SLC26A6: variants seen among roughly 807,000 people sequenced by gnomAD.
SLC26A6 encodes the protein solute carrier family 26 member 6.
SLC26A6 carries 67 observed loss-of-function variants against 87.1 expected under a neutral mutation model. That is an observed-to-expected ratio of 0.77 (90% CI 0.63 to 0.94). The LOEUF (loss-of-function observed/expected upper bound fraction) is 0.94, where lower values mean the gene tolerates loss of function less well. Among genes scored for constraint, SLC26A6 ranks in the 40% least tolerant of loss-of-function variants. The pLI is 0.00. For missense variants in SLC26A6, 902 were observed against 973.0 expected (o/e 0.93, Z 0.97); for synonymous variants, 414 against 405.9 (o/e 1.02, Z -0.24).
intron 17 of SLC26A6, chr3:48,627,409 C>T (rs150923431): frequency 5.6e-5 from 15 of 265,610 alleles, no homozygotes; most frequent in Non-Finnish European, 7.1e-5. Flanking sequence ...CGCATGCAGA[C>T]ACCTCGGCAC....
chr3:48,630,247 C>A, intron 11 of SLC26A6, 90 bp from the exon 12 acceptor site: 1 of 1,472,658 alleles, frequency 6.8e-7, no homozygotes, highest in Non-Finnish European at 9.4e-7. Flanking sequence ...TAAGCCCAAG[C>A]ACTCAGGCAG....
chr3:48,634,790 G>T, intron 1 of SLC26A6: 1 of 979,734 alleles, frequency 1.0e-6, no homozygotes, highest in Non-Finnish European at 1.2e-6. Flanking sequence ...GTGCAAGGAA[G>T]ATCCTCAGAG....
At position 48,632,063 on chromosome 3, in the gene SLC26A6, C is replaced by G; in HGVS notation, c.586-19G>C. The G allele has an allele frequency of 6.2e-7, 1 of 1,612,236 alleles. No individual in the cohort carries two copies. Among genetic ancestry groups the G allele is most frequent in the East Asian group, 2.2e-5 (1 of 44,852 alleles). On this transcript the variant is annotated intron_variant, in intron 5 of 20. Transcript: ENST00000395550. ...GCCCCACCTGTGGGGCGGCCAGGGG[C>G]AGTCAGGAGAGGCAGGGGTCCTGGG...
At chr3:48,630,782 G>C (rs1057184301) in intron 9 of SLC26A6, 62 bp from the exon 10 acceptor site, 1 of 1,537,220 alleles carries the variant, frequency 6.5e-7, no homozygotes, top group Admixed American at 1.9e-5. Context: ...CTGTTCCACT[G>C]TATCTAGGCC....
In SLC26A6 at chr3:48,629,724, G is replaced by A. The variant is rs781403201; in HGVS notation, c.1530-13C>T. 1.9e-6 allele frequency: 3 copies of A among 1,612,914 alleles called. No individual in the cohort carries two copies. The highest frequency in any genetic ancestry group is 2.5e-6 in the Non-Finnish European group (3 of 1,179,296). On this transcript the variant is annotated splice_polypyrimidine_tract_variant and intron_variant, in intron 13 of 20. Coordinates refer to ENST00000395550, the MANE Select transcript of SLC26A6 (RefSeq NM_022911.3). ...AGAGTAGTGGGGCCTGTGAAGGAGAGAGAGAATGCACGAAGAGGGGGCAGA... is the reference window on the plus strand; with the variant it reads ...AGAGTAGTGGGGCCTGTGAAGGAGAAAGAGAATGCACGAAGAGGGGGCAGA...
chr3:48,634,658 C>T, intron 1 of SLC26A6: 2 of 904,478 alleles, frequency 2.2e-6, no homozygotes, highest in Non-Finnish European at 2.6e-6. Context: ...AAGCTTTCAC[C>T]AGTCAGGAAA....
Position 48,631,203 on chromosome 3 carries a change from CTGA to C in SLC26A6, c.986+18_986+20del, listed in dbSNP as rs770838896. ...TCCTGGCTGCCCAACCCTCCCTGACCTGATGGAGGCCAGAGCTCACCCTGCAGG... is the reference window on the plus strand; with the variant it reads ...TCCTGGCTGCCCAACCCTCCCTGACCTGGAGGCCAGAGCTCACCCTGCAGG... On this transcript the variant is annotated intron_variant, in intron 8 of 20. Coordinates refer to ENST00000395550, the MANE Select transcript of SLC26A6 (RefSeq NM_022911.3). 6.2e-7 allele frequency: 1 copy of C among 1,611,832 alleles called. No individual in the cohort carries two copies. Among genetic ancestry groups the C allele is most frequent in the Non-Finnish European group, 8.5e-7 (1 of 1,178,602 alleles).
At position 48,630,446 on chromosome 3, in the gene SLC26A6, G is replaced by T; in HGVS notation, c.1318C>A (p.Leu440Met). 6.4e-7 allele frequency: 1 copy of T among 1,556,592 alleles called. No individual in the cohort carries two copies. The highest frequency in any genetic ancestry group is 2.4e-5 in the East Asian group (1 of 41,236). ...IVKLGELFHDLPKAVLAAIII... is the reference protein window; with the variant it reads ...IVKLGELFHDMPKAVLAAIII... ...GCTGGGTGGGGGCTCACCTTGGGCAGGTCATGGAAGAGTTCCCCAAGTTTG... is the reference window on the plus strand; with the variant it reads ...GCTGGGTGGGGGCTCACCTTGGGCATGTCATGGAAGAGTTCCCCAAGTTTG... Residue 440 changes from leucine (L) to methionine (M), a missense_variant, in exon 11 of 21, where the codon CTG becomes ATG. Coordinates refer to ENST00000395550, the MANE Select transcript of SLC26A6 (RefSeq NM_022911.3).
At chr3:48,626,507 C>T (rs2106640942) in intron 19 of SLC26A6, 124 bp downstream of exon 19, 1 of 1,545,124 alleles carries the variant, frequency 6.5e-7, no homozygotes, top group East Asian at 2.2e-5. Flanking sequence ...ACTCCTGTCT[C>T]CCAGGACACC....
Position 48,632,268 on chromosome 3 carries a change from T to TG in SLC26A6, c.561dup (p.Ser188GlnfsTer98). The TG allele has an allele frequency of 6.2e-7, 1 of 1,609,500 alleles. No individual in the cohort carries two copies. The highest frequency in any genetic ancestry group is 8.5e-7 in the Non-Finnish European group (1 of 1,177,836). ...ACCTGGAAGAGGCCAACCAGGACACTGAGTGTGGAGGCCACCTGTACCCGG... is the reference window on the plus strand; with the variant it reads ...ACCTGGAAGAGGCCAACCAGGACACTGGAGTGTGGAGGCCACCTGTACCCGG... On this transcript the variant is annotated frameshift_variant, in exon 5 of 21. Transcript: ENST00000395550. LOFTEE classifies it high-confidence loss of function.
chr3:48,628,813 C>T lies in SLC26A6; in HGVS notation c.1600-99G>A. ...TCCCTAGTGTGCCCAGTGCCTGCCACCGCCCAGCCCTCTGCTCCCCAGGCT... is the reference window on the plus strand; with the variant it reads ...TCCCTAGTGTGCCCAGTGCCTGCCATCGCCCAGCCCTCTGCTCCCCAGGCT... On this transcript the variant is annotated intron_variant, in intron 14 of 20. Coordinates refer to ENST00000395550, the MANE Select transcript of SLC26A6 (RefSeq NM_022911.3). The surrounding 1 kb of genome is among the most constrained non-coding windows in gnomAD (Gnocchi z 4.4). 1 of 1,368,758 alleles carries T rather than the reference C, an allele frequency of 7.3e-7. No individual in the cohort carries two copies. The highest frequency in any genetic ancestry group is 1.0e-6 in the Non-Finnish European group (1 of 985,684). 84.8% of individuals were successfully genotyped at this position (1,368,758 alleles called of 1,614,324 possible).
At chr3:48,635,339 G>T in intron 1 of SLC26A6, 32 bp downstream of exon 1, 2 of 1,580,072 alleles carry the variant, frequency 1.3e-6, no homozygotes, top group East Asian at 2.3e-5. Context: ...AGGCGCTCGC[G>T]CGGGGCCACC....
Position 48,629,626 on chromosome 3 carries a change from A to G in SLC26A6, c.1599+16T>C, listed in dbSNP as rs1215719237. The G allele has an allele frequency of 1.2e-6, 2 of 1,600,114 alleles. No homozygotes were observed. Among genetic ancestry groups the G allele is most frequent in the Non-Finnish European group, 1.7e-6 (2 of 1,174,204 alleles). ...TCTCCCCATCCACACCATCTCACTC[A>G]GCCCCTGACACTCACCTCTGAGTAC... On this transcript the variant is annotated intron_variant, in intron 14 of 20. Transcript: ENST00000395550.
intron 5 of SLC26A6, 64 bp downstream of exon 5, chr3:48,632,181 C>A: frequency 6.4e-7 from 1 of 1,574,654 alleles, no homozygotes. Context: ...CAGGGGAGTA[C>A]AGACAGGACA....
chr3:48,627,453 A>C, intron 17 of SLC26A6: 1 of 207,084 alleles, frequency 4.8e-6, no homozygotes, highest in Non-Finnish European at 9.6e-6. Flanking sequence ...TAAGTTTGGC[A>C]TCCTCTTTGA....
At chr3:48,629,452 C>T (rs1207761358) in intron 14 of SLC26A6, among the ~76,000 whole-genome samples, 190 bp downstream of exon 14, 1 of 152,148 alleles carries the variant, frequency 6.6e-6, no homozygotes, top group African/African-American at 2.4e-5. Context: ...CATCTCTGTC[C>T]ACTCTCCCTC....
Position 48,628,219 on chromosome 3 carries a change from G to T in SLC26A6, c.1801-181C>A. On this transcript the variant is annotated intron_variant, in intron 16 of 20. Transcript: ENST00000395550. The surrounding 1 kb of genome is among the most constrained non-coding windows in gnomAD (Gnocchi z 4.4). ...CAGCCGTGAAAGGGAAGAGGACTGT[G>T]ACGGTTCTCACTGTCACTGGTTCAG... The T allele has an allele frequency of 1.3e-6, 1 of 765,706 alleles. No homozygotes were observed. Among genetic ancestry groups the T allele is most frequent in the Non-Finnish European group, 2.1e-6 (1 of 480,654 alleles). 47.4% of individuals were successfully genotyped at this position (765,706 alleles called of 1,614,324 possible).
At chr3:48,635,069 C>T (rs978101125) in intron 1 of SLC26A6, among the ~76,000 whole-genome samples, 2 of 152,338 alleles carry the variant, frequency 1.3e-5, no homozygotes, top group Non-Finnish European at 2.9e-5. Context: ...TCCCGTGCCC[C>T]ACGCACCCCC....
intron 14 of SLC26A6, among the ~76,000 whole-genome samples, chr3:48,629,106 G>A (rs1374819064): frequency 6.6e-6 from 1 of 152,208 alleles, no homozygotes; most frequent in East Asian, 1.9e-4. Flanking sequence ...CTCCAGGCAT[G>A]CATGGTAAGG....
Sources: gnomAD v4.1 joint callset for allele counts (sites outside exome capture counted in the v4.1 genomes callset) on GRCh38, gnomAD v4.1.1 for gene constraint, Gnocchi (gnomAD v3.1) non-coding constraint, MANE v1.5 for transcripts, NCBI Gene and HGNC (gene_info 2026-07-23, HGNC 2026-07-21) for gene names.